The following PSG4 variants were observed in gnomAD, a reference collection of about 807,000 sequenced individuals.
PSG4 encodes the protein pregnancy specific beta-1-glycoprotein 4.
PSG4 carries 61 observed loss-of-function variants against 44.3 expected under a neutral mutation model. That is an observed-to-expected ratio of 1.38 (90% confidence interval 1.12 to 1.70). PSG4 has a LOEUF of 1.70. PSG4 is among the 40% of genes most tolerant of loss of function. PSG4 has a pLI of 0.00. For missense variants in PSG4, 677 were observed against 511.7 expected (o/e 1.32, Z -3.12); for synonymous variants, 248 against 191.3 (o/e 1.30, Z -2.45).
chr19:43,203,759 C>T, intron 2 of PSG4, 127 bp downstream of exon 2: 1 of 1,468,190 alleles, frequency 6.8e-7, no homozygotes, highest in Non-Finnish European at 9.1e-7. Context: ...CACTAAATGC[C>T]CAAACCCCAG....
At chr19:43,195,550 CT>C (rs1337733656) in intron 3 of PSG4, among the ~76,000 whole-genome samples, 3 of 151,490 alleles carry the variant, frequency 2.0e-5, no homozygotes, top group South Asian at 4.2e-4. Context: ...GTCACAGCCC[CT>C]TGTACCCCTC....
At position 43,202,050 on chromosome 19, in the gene PSG4, T is replaced by C. The variant is rs534622888; in HGVS notation, c.430+1836A>G. ...CAACTCCAGGTGATTTCTGCACCTT[T>C]CCTATTTCCTGGGAGGTGGGCCAGG... On this transcript the variant is annotated intron_variant, in intron 2 of 5. Coordinates refer to ENST00000405312, the MANE Select transcript of PSG4 (RefSeq NM_002780.5). Among the ~76,000 whole-genome samples, 16 of 145,406 alleles carry C rather than the reference T, an allele frequency of 1.1e-4. 2 individuals carry two copies. The highest frequency in any genetic ancestry group is 4.2e-4 in the African/African-American group (16 of 38,178).
At chr19:43,196,304 T>G (rs535407241) in intron 3 of PSG4, among the ~76,000 whole-genome samples, 69 of 151,662 alleles carry the variant, frequency 4.5e-4, no homozygotes, top group South Asian at 1.7e-3. Flanking sequence ...GAGACTGCTG[T>G]TTGCCAGGAG....
Position 43,194,606 on chromosome 19 carries a change from A to T in PSG4, c.989-12T>A, listed in dbSNP as rs1353602569. ...GAGGTCTGGACCATCTGGCGCAAAGAGAATAAAGCCATAGGTGATGTCATC... is the reference window on the plus strand; with the variant it reads ...GAGGTCTGGACCATCTGGCGCAAAGTGAATAAAGCCATAGGTGATGTCATC... On this transcript the variant is annotated splice_polypyrimidine_tract_variant and intron_variant, in intron 4 of 5. Coordinates refer to ENST00000405312, the MANE Select transcript of PSG4 (RefSeq NM_002780.5). 1 of 1,605,272 alleles carries T rather than the reference A, an allele frequency of 6.2e-7. No homozygotes were observed. Among genetic ancestry groups the T allele is most frequent in the Admixed American group, 1.7e-5 (1 of 59,512 alleles).
chr19:43,197,436 T>C (rs929832010), intron 3 of PSG4, among the ~76,000 whole-genome samples: 2 of 145,318 alleles, frequency 1.4e-5, no homozygotes, highest in Admixed American at 6.8e-5. Flanking sequence ...TTTTAGTGAT[T>C]TGGGGGATAA....
rs1967081357 is a variant in PSG4 at position 43,193,039 on chromosome 19, T to C, written c.*333A>G. 1 of 579,912 alleles carries C rather than the reference T, an allele frequency of 1.7e-6. No homozygotes were observed. Among genetic ancestry groups the C allele is most frequent in the South Asian group, 2.2e-5 (1 of 46,416 alleles). 35.9% of individuals were successfully genotyped at this position (579,912 alleles called of 1,614,324 possible). A position where few individuals can be genotyped will look rare whatever the true frequency, so the allele number is the denominator to read the frequency against. On this transcript the variant is annotated 3_prime_UTR_variant, in exon 6 of 6. Coordinates refer to ENST00000405312, the MANE Select transcript of PSG4 (RefSeq NM_002780.5). Reference sequence around the variant, plus strand: ...ACATGTGAAATTCTAATGACTGCATTATCCTGCCAAGTGAAAGAGGCAGGC... The same window carrying C: ...ACATGTGAAATTCTAATGACTGCATCATCCTGCCAAGTGAAAGAGGCAGGC...
At chr19:43,201,175 T>C (rs1967494020) in intron 2 of PSG4, among the ~76,000 whole-genome samples, 1 of 145,796 alleles carries the variant, frequency 6.9e-6, no homozygotes, top group South Asian at 2.2e-4. Flanking sequence ...CTGGCTGTCC[T>C]CACTCGTTCC....
intron 1 of PSG4, among the ~76,000 whole-genome samples, chr19:43,205,129 A>C (rs1967720636): frequency 4.5e-5 from 1 of 21,996 alleles, no homozygotes; most frequent in African/African-American, 2.4e-4. Flanking sequence ...TTTTTTTGAG[A>C]CGGAGTCTCG....
chr19:43,193,688 A>G lies in PSG4; in HGVS notation c.1244-300T>C, dbSNP rs112756372. The G allele has an allele frequency of 5.8e-3, 3,173 of 548,760 alleles. 161 individuals are homozygous for G. Among genetic ancestry groups the G allele is most frequent in the African/African-American group, 0.055 (2,895 of 52,390 alleles). 34.0% of individuals were successfully genotyped at this position (548,760 alleles called of 1,614,324 possible). On this transcript the variant is annotated intron_variant, in intron 5 of 5. Coordinates refer to ENST00000405312, the MANE Select transcript of PSG4 (RefSeq NM_002780.5). ...ATTAAACTTTTACAAAACCCTTGAG[A>G]ATAGGAAGCCAAACCAAGGCTGACT...
rs532706088 is a variant in PSG4 at position 43,204,499 on chromosome 19, C to T, written c.65-248G>A. On this transcript the variant is annotated intron_variant, in intron 1 of 5. Coordinates refer to ENST00000405312, the MANE Select transcript of PSG4 (RefSeq NM_002780.5). ...TTGGCATTTTTCTTTTTGGATTCCT[C>T]TTCCCCAGGGGTCCGCACGGCCCCC... The T allele has an allele frequency of 4.2e-5, 23 of 543,816 alleles. 2 individuals carry two copies. In the African/African-American group the frequency reaches 4.3e-4, roughly 10 times the overall value. The allele number at this position is 543,816 out of a possible 1,614,324, so 33.7% of individuals were successfully genotyped here.
In PSG4 at chr19:43,197,628, A is replaced by G; in HGVS notation, c.709+369T>C. 6.6e-6 allele frequency: 2 copies of G among 300,884 alleles called. 1 individual carries two copies. Among genetic ancestry groups the G allele is most frequent in the Non-Finnish European group, 1.2e-5 (2 of 169,340 alleles). 18.6% of individuals were successfully genotyped at this position (300,884 alleles called of 1,614,324 possible). On this transcript the variant is annotated intron_variant, in intron 3 of 5. Coordinates refer to ENST00000405312, the MANE Select transcript of PSG4 (RefSeq NM_002780.5). ...CAAAGAGAATAAAGTCACAGGTGAC[A>G]TTGTCAGAGGGAAGGGAAAATCCTG...
At chr19:43,198,822 G>A (rs575207341) in intron 2 of PSG4, 2 of 151,076 alleles carry the variant, frequency 1.3e-5, no homozygotes, top group Non-Finnish European at 2.9e-5. Context: ...CAAGCCTGGA[G>A]GTCAGTTCAG....
intron 1 of PSG4, 191 bp from the exon 2 acceptor site, chr19:43,204,442 G>T (rs1967666337): frequency 1.2e-6 from 1 of 814,766 alleles, no homozygotes. Context: ...AAGATCAGCA[G>T]CATGACCCCC....
In PSG4 at chr19:43,203,962, T is replaced by C; in HGVS notation, c.354A>G (p.Gly118=). Residue 118 remains glycine (G), a synonymous_variant, in exon 2 of 6, where the codon GGA becomes GGG. Transcript: ENST00000405312. ...GCTTTATGATGTGTAAGGTGTAGGA[T>C]CCTGCATCCTCCTGCGTGACATTCT... is the stretch of plus-strand genomic sequence containing the variant. ...LIQNVTQEDA[G]SYTLHIIKRR... The C allele has an allele frequency of 6.3e-7, 1 of 1,587,502 alleles. No homozygotes were observed. The highest frequency in any genetic ancestry group is 8.5e-7 in the Non-Finnish European group (1 of 1,171,566).
chr19:43,198,489 T>C lies in PSG4; in HGVS notation c.431-214A>G, dbSNP rs1336532806. On this transcript the variant is annotated intron_variant, in intron 2 of 5. Coordinates refer to ENST00000405312, the MANE Select transcript of PSG4 (RefSeq NM_002780.5). ...TATGTGGGAGAAGCACAGACTTTCT[T>C]AGGTGTGAATTGAGCAGCAGCATTG... The C allele has an allele frequency of 2.0e-5, 18 of 911,568 alleles. 2 individuals carry two copies. In the Admixed American group the frequency reaches 2.9e-4, roughly 14 times the overall value. 56.5% of individuals were successfully genotyped at this position (911,568 alleles called of 1,614,324 possible).
chr19:43,199,143 C>T lies in PSG4; in HGVS notation c.431-868G>A, dbSNP rs1360863272. On this transcript the variant is annotated intron_variant, in intron 2 of 5. Coordinates refer to ENST00000405312, the MANE Select transcript of PSG4 (RefSeq NM_002780.5). The stretch of plus-strand genomic sequence containing the variant: ...GAACAGATGATGGAAGTCTGGCCCT[C>T]ATGGACCATATGCGTTTGGTGGATA... Among the ~76,000 whole-genome samples, 5 of 146,092 alleles carry T rather than the reference C, an allele frequency of 3.4e-5. 2 individuals are homozygous for T. The East Asian group carries it at 1.2e-3, about 34-fold the overall frequency.
intron 1 of PSG4, 102 bp from the exon 2 acceptor site, chr19:43,204,353 C>G (rs1431957197): frequency 7.4e-7 from 1 of 1,346,206 alleles, no homozygotes; most frequent in Non-Finnish European, 1.0e-6. Flanking sequence ...TGAAGACACA[C>G]AAACACACAC....
intron 2 of PSG4, among the ~76,000 whole-genome samples, chr19:43,200,466 C>T (rs1470053733): frequency 6.9e-6 from 1 of 145,294 alleles, no homozygotes; most frequent in African/African-American, 2.6e-5. Context: ...CCTTTTTGAA[C>T]TTTCCTGTTT....
At chr19:43,199,407 C>T (rs1236040911) in intron 2 of PSG4, among the ~76,000 whole-genome samples, 1 of 145,372 alleles carries the variant, frequency 6.9e-6, no homozygotes, top group Non-Finnish European at 1.5e-5. Context: ...AGCTTCATGC[C>T]TATAGTTCAT....
Sources: gnomAD v4.1 joint callset for allele counts (sites outside exome capture counted in the v4.1 genomes callset) on GRCh38, gnomAD v4.1.1 for gene constraint, MANE v1.5 for transcripts, NCBI Gene and HGNC (gene_info 2026-07-23, HGNC 2026-07-21) for gene names.